Variants in TRIM62 observed in about 807,000 individuals in gnomAD.
The protein encoded by TRIM62 is tripartite motif containing 62.
TRIM62 carries 39 observed loss-of-function variants against 44.2 expected under a neutral mutation model. That is an observed-to-expected ratio of 0.88 (90% CI 0.68 to 1.15). The LOEUF is 1.15. Ranked by LOEUF, TRIM62 falls within the 50% of genes most tolerant of loss-of-function variation. The pLI, the probability that TRIM62 is intolerant of heterozygous loss-of-function variation, is 0.00. For missense variants in TRIM62, 544 were observed against 665.5 expected (o/e 0.82, Z 2.01); for synonymous variants, 278 against 292.3 (o/e 0.95, Z 0.50).
chr1:33,176,497 A>T (rs1001400353), intron 1 of TRIM62: 1 of 679,720 alleles, frequency 1.5e-6, no homozygotes, highest in African/African-American at 1.8e-5. Flanking sequence ...TGAGGCCTGG[A>T]GGGGGCGGCT....
chr1:33,160,606 T>C (rs1645252825), intron 2 of TRIM62, among the ~76,000 whole-genome samples: 1 of 152,206 alleles, frequency 6.6e-6, no homozygotes, highest in Non-Finnish European at 1.5e-5. Context: ...GGTTTCACCA[T>C]GTTGGCCAGG....
intron 1 of TRIM62, among the ~76,000 whole-genome samples, chr1:33,171,556 A>G (rs554621721): frequency 9.2e-5 from 14 of 152,266 alleles, no homozygotes; most frequent in Admixed American, 2.0e-4. Flanking sequence ...TGAGTACCCA[A>G]TGAGTGTCAG....
In TRIM62 at chr1:33,165,585, C is replaced by A; in HGVS notation, c.409-19G>T. ...GCTCCCTCTGAAACACACACAGGGC[C>A]GGGATGGGGGCAGGGGCCATGCCTG... is the stretch of plus-strand genomic sequence containing the variant. On this transcript the variant is annotated intron_variant, in intron 1 of 4. Transcript: ENST00000291416. This position sits in a 1 kb window ranked among gnomAD's most constrained non-coding sequence, Gnocchi z 4.0. 1 of 1,592,660 alleles carries A rather than the reference C, an allele frequency of 6.3e-7. No individual in the cohort carries two copies. The highest frequency in any genetic ancestry group is 8.6e-7 in the Non-Finnish European group (1 of 1,167,472).
Position 33,147,648 on chromosome 1 carries a change from G to T in TRIM62, c.957C>A (p.Tyr319Ter). 1.2e-6 allele frequency: 2 copies of T among 1,613,956 alleles called. No homozygotes were observed. Among genetic ancestry groups the T allele is most frequent in the Non-Finnish European group, 1.7e-6 (2 of 1,180,046 alleles). The stretch of plus-strand genomic sequence containing the variant: ...GCAGTGGCTGTGGGTGCAAGTTGCC[G>T]TAAGCCACAATGGTGCAGTCGTCCG... Reference protein sequence around the residue: ...ILSDDCTIVAYGNLHPQPLQD... With the variant: ...ILSDDCTIVA The change falls in exon 5 of 5, where the codon TAC becomes TAA. Residue 319 changes from tyrosine (Y) to a stop codon, truncating the protein, a stop_gained. Transcript: ENST00000291416. LOFTEE classifies it high-confidence loss of function. The surrounding 1 kb of genome is among the most constrained non-coding windows in gnomAD (Gnocchi z 8.1).
chr1:33,152,506 G>A lies in TRIM62; in HGVS notation c.878-4779C>T, dbSNP rs60162303. 5.6e-4 allele frequency among the ~76,000 whole-genome samples: 84 copies of A among 151,322 alleles called. No individual in the cohort carries two copies. The East Asian group carries it at 0.016, about 30-fold the overall frequency. ...CGCTTGAATCTGGGAGGCGGAGGTT[G>A]TGGTGAGCCAAGATTGTGCCATTGC... On this transcript the variant is annotated intron_variant, in intron 4 of 4. Transcript: ENST00000291416.
rs1645434388 is a variant in TRIM62 at position 33,177,891 on chromosome 1, A to G, written c.408+3134T>C. 1.3e-5 allele frequency among the ~76,000 whole-genome samples: 2 copies of G among 152,150 alleles called. No individual in the cohort carries two copies. Among genetic ancestry groups the G allele is most frequent in the Admixed American group, 1.3e-4 (2 of 15,274 alleles). On this transcript the variant is annotated intron_variant, in intron 1 of 4. Coordinates refer to ENST00000291416, the MANE Select transcript of TRIM62 (RefSeq NM_018207.3). The surrounding 1 kb of genome is among the most constrained non-coding windows in gnomAD (Gnocchi z 4.1). ...ACATCATCTTGTTTAATCCTAATAT[A>G]ATTACTTCCATGCTGTCCATGAAGG...
At chr1:33,174,885 A>C (rs911744256) in intron 1 of TRIM62, among the ~76,000 whole-genome samples, 2 of 149,736 alleles carry the variant, frequency 1.3e-5, no homozygotes, top group Admixed American at 6.6e-5. Flanking sequence ...ATACTGGCTA[A>C]AGAAATTATG....
chr1:33,176,533 G>T, intron 1 of TRIM62: 2 of 643,646 alleles, frequency 3.1e-6, no homozygotes, highest in Non-Finnish European at 2.9e-6. Flanking sequence ...CCCCTCTCTG[G>T]GGGTTAGGAA....
rs1570343008 is a variant in TRIM62 at position 33,181,018 on chromosome 1, A to G, written c.408+7T>C. The stretch of plus-strand genomic sequence containing the variant: ...CGCCCCTTCCCCAGGCAGGCCGGGT[A>G]GCGCACCTGCAGCTCGTCGAAGGCG... On this transcript the variant is annotated splice_region_variant and intron_variant, in intron 1 of 4. Coordinates refer to ENST00000291416, the MANE Select transcript of TRIM62 (RefSeq NM_018207.3). This position sits in a 1 kb window ranked among gnomAD's most constrained non-coding sequence, Gnocchi z 6.5. The G allele has an allele frequency of 3.0e-6, 4 of 1,321,746 alleles. No homozygotes were observed. Among genetic ancestry groups the G allele is most frequent in the Non-Finnish European group, 4.0e-6 (4 of 1,009,330 alleles). The allele number at this position is 1,321,746 out of a possible 1,614,324, so 81.9% of individuals were successfully genotyped here.
chr1:33,151,110 G>A (rs1048123907), intron 4 of TRIM62, among the ~76,000 whole-genome samples: 1 of 152,060 alleles, frequency 6.6e-6, no homozygotes, highest in Admixed American at 6.5e-5. Context: ...ACTGATGAGT[G>A]GGAGGGCACC....
At chr1:33,174,108 T>C (rs1645395343) in intron 1 of TRIM62, among the ~76,000 whole-genome samples, 1 of 152,188 alleles carries the variant, frequency 6.6e-6, no homozygotes, top group Non-Finnish European at 1.5e-5. Context: ...ATTTATATTC[T>C]TTTCCCCCCT....
At position 33,146,899 on chromosome 1, in the gene TRIM62, A is replaced by C; in HGVS notation, c.*278T>G. The stretch of plus-strand genomic sequence containing the variant: ...CCCTGCCCCTGAGAAGATGGGGATG[A>C]GGGTTGGGCAGGGGTTGCCCTGAGG... On this transcript the variant is annotated 3_prime_UTR_variant, in exon 5 of 5. Transcript: ENST00000291416. 4.4e-6 allele frequency: 2 copies of C among 459,716 alleles called. No individual in the cohort carries two copies. Among genetic ancestry groups the C allele is most frequent in the Non-Finnish European group, 3.9e-6 (1 of 253,656 alleles). The allele number at this position is 459,716 out of a possible 1,614,324, so 28.5% of individuals were successfully genotyped here.
At chr1:33,157,032 C>T (rs1645188406) in intron 4 of TRIM62, among the ~76,000 whole-genome samples, 1 of 151,686 alleles carries the variant, frequency 6.6e-6, no homozygotes, top group Non-Finnish European at 1.5e-5. Flanking sequence ...CATCCTTCAC[C>T]CCCTTCGGTC....
At chr1:33,176,301 A>AC in intron 1 of TRIM62, 1 of 580,336 alleles carries the variant, frequency 1.7e-6, no homozygotes, top group East Asian at 2.9e-5. Flanking sequence ...AGAGGGTGTC[A>AC]CCCCCTCTCC....
chr1:33,168,432 T>C (rs536564913), intron 1 of TRIM62, among the ~76,000 whole-genome samples: 1 of 152,164 alleles, frequency 6.6e-6, no homozygotes, highest in South Asian at 2.1e-4. Context: ...ATGGTGTAAA[T>C]GTTCCCACTC....
intron 1 of TRIM62, 49 bp downstream of exon 1, chr1:33,180,976 C>T (rs1645456772): frequency 1.8e-6 from 2 of 1,101,880 alleles, no homozygotes; most frequent in South Asian, 1.4e-5. Context: ...CGCCCGGCCC[C>T]ACCTCCAGCC....
chr1:33,160,001 G>C, intron 2 of TRIM62, 57 bp from the exon 3 acceptor site: 2 of 1,572,696 alleles, frequency 1.3e-6, no homozygotes, highest in Non-Finnish European at 8.6e-7. Flanking sequence ...GTGATCTCTG[G>C]GTGAGAGGAG....
rs1009393503 is a variant in TRIM62, at chr1:33,145,556, C to T, written c.*1621G>A. 5 of 171,796 alleles carry T rather than the reference C, an allele frequency of 2.9e-5. No individual in the cohort carries two copies. Among genetic ancestry groups the T allele is most frequent in the Non-Finnish European group, 6.3e-5 (5 of 79,780 alleles). The allele number at this position is 171,796 out of a possible 1,614,324, so 10.6% of individuals were successfully genotyped here. A position where few individuals can be genotyped will look rare whatever the true frequency, so the allele number is the denominator to read the frequency against. On this transcript the variant is annotated 3_prime_UTR_variant, in exon 5 of 5. Transcript: ENST00000291416. ...TTTTGCCCAAGGGAGGCCCGGGTGG[C>T]GGGGGCAGCCATTTTAAGAACCCCC... is the stretch of plus-strand genomic sequence containing the variant.
In TRIM62 at chr1:33,173,059, A is replaced by C. The variant is rs115138657; in HGVS notation, c.409-7493T>G. Among the ~76,000 whole-genome samples the C allele has an allele frequency of 6.0e-3, 910 of 152,280 alleles. 11 individuals are homozygous for C. Among genetic ancestry groups the C allele is most frequent in the Non-Finnish European group, 8.0e-3 (546 of 68,020 alleles). On this transcript the variant is annotated intron_variant, in intron 1 of 4. Transcript: ENST00000291416. ...TCCCTCTCTGACCCAAGGATGCCAG[A>C]AACCTGACCGTGACAAACTTGAACT...
Sources: allele counts gnomAD v4.1 joint callset (sites outside exome capture counted in the v4.1 genomes callset), GRCh38; gene constraint gnomAD v4.1.1; non-coding constraint Gnocchi (gnomAD v3.1); transcripts MANE v1.5; gene names NCBI Gene and HGNC (gene_info 2026-07-23, HGNC 2026-07-21).